CLASP2: variants seen among roughly 807,000 people sequenced by gnomAD.
The protein encoded by CLASP2 is CLIP-associating protein 2.
A neutral mutation model predicts 194.4 loss-of-function variants in CLASP2; 47 were observed. The ratio of observed to expected loss-of-function variants is 0.24; its 90% CI spans 0.19 to 0.31. The LOEUF is 0.31. CLASP2 is among the 10% of genes least tolerant of loss of function. The pLI is 1.00. For missense variants in CLASP2, 1,445 were observed against 1,823.6 expected (o/e 0.79, Z 3.78); for synonymous variants, 619 against 633.5 (o/e 0.98, Z 0.34).
intron 5 of CLASP2, among the ~76,000 whole-genome samples, chr3:33,686,780 G>A (rs918878694): frequency 1.3e-5 from 2 of 152,116 alleles, no homozygotes; most frequent in Non-Finnish European, 2.9e-5. Context: ...CTGTAGCAGG[G>A]AATCGAAGCT....
chr3:33,687,183 C>A (rs982859228), intron 4 of CLASP2, 48 bp from the exon 5 acceptor site: 1 of 1,227,588 alleles, frequency 8.1e-7, no homozygotes. Context: ...TTTTAATAAA[C>A]AGTAAACAAA....
chr3:33,601,439 A>G (rs748867599), intron 18 of CLASP2, among the ~76,000 whole-genome samples: 1 of 152,166 alleles, frequency 6.6e-6, no homozygotes, highest in Non-Finnish European at 1.5e-5. Flanking sequence ...TTTTTCTATA[A>G]AAATAAGCTC....
intron 38 of CLASP2, among the ~76,000 whole-genome samples, chr3:33,500,512 G>A (rs2046602031): frequency 6.6e-6 from 1 of 152,078 alleles, no homozygotes; most frequent in Admixed American, 6.6e-5. Context: ...GGATTCACGG[G>A]ATCACAGAAC....
At chr3:33,603,906 A>AT (rs1363010979) in intron 17 of CLASP2, among the ~76,000 whole-genome samples, 2 of 152,226 alleles carry the variant, frequency 1.3e-5, no homozygotes, top group Non-Finnish European at 2.9e-5. Context: ...GTGCGTCATG[A>AT]GAAGCATTAT....
At chr3:33,634,547 A>G (rs909235743) in intron 8 of CLASP2, among the ~76,000 whole-genome samples, 5 of 152,224 alleles carry the variant, frequency 3.3e-5, no homozygotes. Context: ...AAGTCAAAAA[A>G]TATCCTTTGA....
intron 34 of CLASP2, among the ~76,000 whole-genome samples, chr3:33,530,095 G>A (rs1338636840): frequency 1.4e-5 from 2 of 146,922 alleles, no homozygotes; most frequent in South Asian, 2.2e-4. Flanking sequence ...TGAAGGACCC[G>A]AATGAGGCTG....
At chr3:33,545,104 CG>C in intron 30 of CLASP2, 1 of 254,476 alleles carries the variant, frequency 3.9e-6, no homozygotes, top group Non-Finnish European at 7.3e-6. Context: ...TTAACCATGA[CG>C]GTTTCCAGGG....
intron 38 of CLASP2, among the ~76,000 whole-genome samples, chr3:33,500,400 C>T (rs986613647): frequency 6.6e-6 from 1 of 152,094 alleles, no homozygotes; most frequent in East Asian, 1.9e-4. Flanking sequence ...TTATTACTGG[C>T]TACCTACTGT....
At chr3:33,574,042 T>C (rs2064305837) in intron 24 of CLASP2, among the ~76,000 whole-genome samples, 1 of 152,192 alleles carries the variant, frequency 6.6e-6, no homozygotes, top group East Asian at 1.9e-4. Context: ...CTTTGATTTC[T>C]TTACATCTAA....
At chr3:33,531,191 G>A (rs2056210629) in intron 34 of CLASP2, among the ~76,000 whole-genome samples, 2 of 152,048 alleles carry the variant, frequency 1.3e-5, no homozygotes, top group Non-Finnish European at 2.9e-5. Context: ...AACAAAAATA[G>A]GCAAATTAAA....
intron 34 of CLASP2, among the ~76,000 whole-genome samples, chr3:33,532,288 T>C (rs550731075): frequency 5.3e-5 from 8 of 152,298 alleles, no homozygotes; most frequent in African/African-American, 1.9e-4. Flanking sequence ...ACAAGTAATG[T>C]ATGACTCCAC....
chr3:33,576,471 A>T (rs2064912726), intron 23 of CLASP2, 196 bp from the exon 24 acceptor site: 1 of 525,126 alleles, frequency 1.9e-6, no homozygotes, highest in Middle Eastern at 5.3e-4. Context: ...AATTACTGAC[A>T]ATGTGTGAAA....
chr3:33,586,519 G>C (rs1465122193), intron 21 of CLASP2, among the ~76,000 whole-genome samples: 1 of 152,084 alleles, frequency 6.6e-6, no homozygotes, highest in Non-Finnish European at 1.5e-5. Context: ...TTCAGAGACT[G>C]TGCATGGGTT....
At chr3:33,660,024 A>T (rs527273984) in intron 7 of CLASP2, among the ~76,000 whole-genome samples, 1 of 152,340 alleles carries the variant, frequency 6.6e-6, no homozygotes, top group African/African-American at 2.4e-5. Context: ...TCAAACAGAG[A>T]AGCCAGAAAA....
At chr3:33,597,197 C>T (rs548088817) in intron 18 of CLASP2, among the ~76,000 whole-genome samples, 6 of 152,290 alleles carry the variant, frequency 3.9e-5, no homozygotes, top group Admixed American at 1.3e-4. Context: ...TTAGAACTTT[C>T]AGCCCCTTTA....
At chr3:33,499,119 T>C (rs2046239052) in intron 38 of CLASP2, among the ~76,000 whole-genome samples, 1 of 152,100 alleles carries the variant, frequency 6.6e-6, no homozygotes, top group South Asian at 2.1e-4. Flanking sequence ...TGGGGGCAGT[T>C]CCCCTGTGCT....
rs149954465 is a variant in CLASP2, at chr3:33,642,989, A to G, written c.862+1768T>C. Among the ~76,000 whole-genome samples, 10 of 152,020 alleles carry G rather than the reference A, an allele frequency of 6.6e-5. No individual in the cohort carries two copies. The East Asian group carries it at 1.9e-3, about 29-fold the overall frequency. On this transcript the variant is annotated intron_variant, in intron 8 of 38. Coordinates refer to ENST00000682230, the MANE Select transcript of CLASP2 (RefSeq NM_001365631.1). The stretch of plus-strand genomic sequence containing the variant: ...AAAGGCTGTTGCTTAGATGGCTGAT[A>G]AAATCTTTAAGTGATTAATTACTAT...
chr3:33,518,609 C>T (rs941918945), intron 34 of CLASP2, among the ~76,000 whole-genome samples: 8 of 152,128 alleles, frequency 5.3e-5, no homozygotes, highest in Admixed American at 6.6e-5. Flanking sequence ...AAATCACTCC[C>T]GGAAATTTAT....
chr3:33,709,378 TC>T (rs1486331572), intron 1 of CLASP2, among the ~76,000 whole-genome samples: 2 of 152,174 alleles, frequency 1.3e-5, no homozygotes, highest in Non-Finnish European at 2.9e-5. Context: ...CACTATCCTT[TC>T]CCCATTGTGT....
Sources: allele counts gnomAD v4.1 joint callset (sites outside exome capture counted in the v4.1 genomes callset), GRCh38; gene constraint gnomAD v4.1.1; transcripts MANE v1.5; gene names NCBI Gene and HGNC (gene_info 2026-07-23, HGNC 2026-07-21).